The following EXOC3 variants were observed in gnomAD, a reference collection of about 807,000 sequenced individuals.
EXOC3 encodes the protein SEC6-like 1.
Under a neutral mutation model 73.7 loss-of-function variants are expected in EXOC3, and 21 were observed. That is an observed-to-expected ratio of 0.29 (90% confidence interval 0.20 to 0.41). The LOEUF (loss-of-function observed/expected upper bound fraction) is 0.41. EXOC3 is among the 10% of genes least tolerant of loss of function. EXOC3 has a pLI of 1.00. For missense variants in EXOC3, 842 were observed against 985.1 expected (o/e 0.85, Z 1.95); for synonymous variants, 410 against 389.1 (o/e 1.05, Z -0.63).
chr5:452,286 C>G (rs1027520729), intron 3 of EXOC3, among the ~76,000 whole-genome samples: 3 of 152,148 alleles, frequency 2.0e-5, no homozygotes, highest in Middle Eastern at 3.2e-3. Context: ...TTCACTGATT[C>G]TTTCTTGCGC....
At chr5:464,218 T>C (rs1443036701) in intron 9 of EXOC3, 72 bp from the exon 10 acceptor site, 1 of 1,513,502 alleles carries the variant, frequency 6.6e-7, no homozygotes, top group East Asian at 2.3e-5. Context: ...AGGAAGTGCC[T>C]CCCTCCCACA....
At position 467,022 on chromosome 5, in the gene EXOC3, G is replaced by A. The variant is rs747160804; in HGVS notation, c.*124G>A. The A allele has an allele frequency of 4.0e-4, 416 of 1,027,952 alleles. No individual in the cohort carries two copies. The highest frequency in any genetic ancestry group is 1.7e-3 in the Middle Eastern group (6 of 3,500). 63.7% of individuals were successfully genotyped at this position (1,027,952 alleles called of 1,614,324 possible). On this transcript the variant is annotated 3_prime_UTR_variant, in exon 13 of 13. Transcript: ENST00000512944. ...TTAGCTGCACGGCCTGTCTTTAGGT[G>A]CCAGTGTGATGCACCGGGTGTGCGT... is the stretch of plus-strand genomic sequence containing the variant.
At chr5:464,242 C>T (rs778681025) in intron 9 of EXOC3, 48 bp from the exon 10 acceptor site, 16 of 1,591,602 alleles carry the variant, frequency 1.0e-5, no homozygotes, top group East Asian at 4.5e-5. Context: ...ACTCGGCTCT[C>T]GTGGGACGTT....
At chr5:456,740 C>T (rs1472568221) in intron 4 of EXOC3, 149 bp from the exon 5 acceptor site, 3 of 676,762 alleles carry the variant, frequency 4.4e-6, no homozygotes, top group South Asian at 1.7e-5. Flanking sequence ...CCCTGCCCTG[C>T]ACTTTCCCCT....
intron 7 of EXOC3, among the ~76,000 whole-genome samples, chr5:460,289 G>A (rs1044934479): frequency 3.9e-5 from 6 of 152,184 alleles, no homozygotes; most frequent in African/African-American, 1.4e-4. Flanking sequence ...CTGCTGGCTT[G>A]TAGATCTCTG....
chr5:457,977 C>A lies in EXOC3; in HGVS notation c.1242C>A (p.Ala414=). The A allele has an allele frequency of 6.2e-7, 1 of 1,612,626 alleles. No homozygotes were observed. Among genetic ancestry groups the A allele is most frequent in the Non-Finnish European group, 8.5e-7 (1 of 1,179,258 alleles). ...KDWVKETEPE[A]DQDGYYQTTL... is the part of the protein sequence containing the mutation. ...GGGTCAAAGAGACAGAGCCAGAAGC[C>A]GACCAGGACGGGTACTACCAGACCA... Residue 414 remains alanine (A), a synonymous_variant, in exon 6 of 13, where the codon GCC becomes GCA. Coordinates refer to ENST00000512944, the MANE Select transcript of EXOC3 (RefSeq NM_007277.5).
chr5:457,229 G>A, intron 5 of EXOC3: 2 of 556,278 alleles, frequency 3.6e-6, no homozygotes, highest in Non-Finnish European at 6.5e-6. Context: ...TCCTCTGCTG[G>A]AGACGTGAGC....
intron 1 of EXOC3, among the ~76,000 whole-genome samples, chr5:445,723 G>C (rs980622881): frequency 6.6e-6 from 1 of 152,140 alleles, no homozygotes; most frequent in Non-Finnish European, 1.5e-5. Flanking sequence ...GTACCTGGTC[G>C]GGGGAGTTGT....
chr5:459,537 T>C, intron 7 of EXOC3, 78 bp downstream of exon 7: 1 of 652,622 alleles, frequency 1.5e-6, no homozygotes, highest in Non-Finnish European at 2.6e-6. Context: ...TTGATCCTAC[T>C]ATGCCTGTTA....
chr5:465,732 C>A lies in EXOC3; in HGVS notation c.1953C>A (p.Asp651Glu), dbSNP rs372926707. 37 of 1,613,722 alleles carry A rather than the reference C, an allele frequency of 2.3e-5. No homozygotes were observed. Among genetic ancestry groups the A allele is most frequent in the Non-Finnish European group, 2.8e-5 (33 of 1,179,862 alleles). The change falls in exon 12 of 13, where the codon GAC becomes GAA. Residue 651 changes from aspartate to glutamate, a missense_variant. Coordinates refer to ENST00000512944, the MANE Select transcript of EXOC3 (RefSeq NM_007277.5). ...FRKLASGFGEDVDGYCDTIVA... is the reference protein window; with the variant it reads ...FRKLASGFGEEVDGYCDTIVA... ...CTGCCTTCCAGGGTTTCGGGGAAGA[C>A]GTGGACGGATACTGCGACACCATCG...
At chr5:453,264 T>A in intron 3 of EXOC3, 106 bp from the exon 4 acceptor site, 1 of 759,068 alleles carries the variant, frequency 1.3e-6, no homozygotes, top group Non-Finnish European at 2.1e-6. Context: ...TGTTGTTAGC[T>A]AGGGAGATGT....
At chr5:446,372 C>T (rs544631953) in intron 2 of EXOC3, 23 bp downstream of exon 2, 1 of 1,568,278 alleles carries the variant, frequency 6.4e-7, no homozygotes, top group Admixed American at 1.9e-5. Context: ...GCCCCACTCC[C>T]AGGATCTGTC....
At chr5:465,000 T>C (rs924879268) in intron 10 of EXOC3, 111 bp from the exon 11 acceptor site, 5 of 1,134,314 alleles carry the variant, frequency 4.4e-6, no homozygotes, top group African/African-American at 1.6e-5. Context: ...CGAGGAGGAG[T>C]GGGCTCAGAG....
intron 11 of EXOC3, 91 bp from the exon 12 acceptor site, chr5:465,627 C>A: frequency 6.6e-7 from 1 of 1,509,468 alleles, no homozygotes. Flanking sequence ...GAGGGAGGTT[C>A]CCAGTCAGGA....
At position 466,985 on chromosome 5, in the gene EXOC3, C is replaced by A; in HGVS notation, c.*87C>A. ...GACAGCTGATTGCTCTCCTTGGCCACACGTGCTCCTTTTAGCTGCACGGCC... is the reference window on the plus strand; with the variant it reads ...GACAGCTGATTGCTCTCCTTGGCCAAACGTGCTCCTTTTAGCTGCACGGCC... On this transcript the variant is annotated 3_prime_UTR_variant, in exon 13 of 13. Coordinates refer to ENST00000512944, the MANE Select transcript of EXOC3 (RefSeq NM_007277.5). 7.5e-7 allele frequency: 1 copy of A among 1,330,768 alleles called. No homozygotes were observed. Among genetic ancestry groups the A allele is most frequent in the Non-Finnish European group, 1.0e-6 (1 of 968,532 alleles). 82.4% of individuals were successfully genotyped at this position (1,330,768 alleles called of 1,614,324 possible). A position where few individuals can be genotyped will look rare whatever the true frequency, so the allele number is the denominator to read the frequency against.
chr5:447,827 G>T (rs977725236), intron 3 of EXOC3, 75 bp downstream of exon 3: 3 of 1,130,830 alleles, frequency 2.7e-6, no homozygotes, highest in Admixed American at 2.4e-5. Flanking sequence ...TCTGTGTGCA[G>T]TGTGCTTTGC....
chr5:451,272 GA>G (rs1304226039), intron 3 of EXOC3, among the ~76,000 whole-genome samples: 1 of 152,066 alleles, frequency 6.6e-6, no homozygotes, highest in Non-Finnish European at 1.5e-5. Flanking sequence ...GCTTCAGTTT[GA>G]ATTTATATCA....
chr5:454,778 ATAATAT>A (rs1012123805), intron 4 of EXOC3, among the ~76,000 whole-genome samples: 1 of 152,122 alleles, frequency 6.6e-6, no homozygotes, highest in African/African-American at 2.4e-5. Context: ...TGGTTAGAAA[ATAATAT>A]TAAGTAATGT....
intron 6 of EXOC3, among the ~76,000 whole-genome samples, chr5:459,095 A>G (rs1484724135): frequency 6.6e-6 from 1 of 152,196 alleles, no homozygotes; most frequent in Non-Finnish European, 1.5e-5. Context: ...ACGTAGTGTG[A>G]GGACAGACAT....
Sources: gnomAD v4.1 joint callset for allele counts (sites outside exome capture counted in the v4.1 genomes callset) on GRCh38, gnomAD v4.1.1 for gene constraint, MANE v1.5 for transcripts, NCBI Gene and HGNC (gene_info 2026-07-23, HGNC 2026-07-21) for gene names.